RAB3C: variants seen among roughly 807,000 people sequenced by gnomAD.
RAB3C encodes the protein ras-related protein Rab-3C.
RAB3C carries 17 observed loss-of-function variants against 26.4 expected under a neutral mutation model. That is an observed-to-expected ratio of 0.64 (90% CI 0.44 to 0.97). The LOEUF (loss-of-function observed/expected upper bound fraction) is 0.97. Ranked by LOEUF, RAB3C falls within the 50% of genes least tolerant of loss-of-function variation. RAB3C has a pLI of 0.00. For missense variants in RAB3C, 242 were observed against 281.9 expected, an observed-to-expected ratio of 0.86 and a Z score of 1.01; for synonymous variants, 91 against 95.9, an observed-to-expected ratio of 0.95 and a Z score of 0.30.
At chr5:58,745,675 C>T (rs1042657444) in intron 3 of RAB3C, among the ~76,000 whole-genome samples, 13 of 152,022 alleles carry the variant, frequency 8.6e-5, no homozygotes, top group Non-Finnish European at 1.6e-4. Flanking sequence ...TGTTAGTTAT[C>T]TTTCCTTCTT....
At chr5:58,831,508 T>G (rs1009807779) in intron 4 of RAB3C, among the ~76,000 whole-genome samples, 2 of 152,224 alleles carry the variant, frequency 1.3e-5, no homozygotes, top group Non-Finnish European at 2.9e-5. Flanking sequence ...TCTCACTCTA[T>G]GTCCAAATTA....
intron 1 of RAB3C, among the ~76,000 whole-genome samples, chr5:58,613,573 T>C (rs1389771003): frequency 1.3e-5 from 2 of 151,998 alleles, no homozygotes; most frequent in African/African-American, 4.8e-5. Context: ...CACATAAAGG[T>C]TGACACTTTC....
intron 4 of RAB3C, among the ~76,000 whole-genome samples, chr5:58,842,395 T>G (rs905926357): frequency 6.6e-6 from 1 of 152,204 alleles, no homozygotes; most frequent in Non-Finnish European, 1.5e-5. Context: ...GATGACTTTT[T>G]CTTGTCTCAA....
Position 58,617,890 on chromosome 5 carries a change from C to T in RAB3C, c.252+20C>T. The stretch of plus-strand genomic sequence containing the variant: ...ATTTGGGTAAGTGGCTTTGAACTGG[C>T]AGTGTTCTTCAGGCTGGGGTGTTGA... On this transcript the variant is annotated intron_variant, in intron 2 of 4. Coordinates refer to ENST00000282878, the MANE Select transcript of RAB3C (RefSeq NM_138453.4). The T allele has an allele frequency of 6.8e-7, 1 of 1,467,546 alleles. No individual in the cohort carries two copies. The highest frequency in any genetic ancestry group is 9.5e-7 in the Non-Finnish European group (1 of 1,055,736). 90.9% of individuals were successfully genotyped at this position (1,467,546 alleles called of 1,614,324 possible). A position where few individuals can be genotyped will look rare whatever the true frequency, so the allele number is the denominator to read the frequency against.
chr5:58,720,139 C>T (rs1477245910), intron 2 of RAB3C, among the ~76,000 whole-genome samples: 3 of 151,774 alleles, frequency 2.0e-5, no homozygotes, highest in African/African-American at 7.3e-5. Context: ...CTGTCTAGTT[C>T]TTTAGGGAAA....
chr5:58,703,911 A>G (rs1440352877), intron 2 of RAB3C, among the ~76,000 whole-genome samples: 1 of 152,220 alleles, frequency 6.6e-6, no homozygotes, highest in African/African-American at 2.4e-5. Context: ...AAAAAGGCTT[A>G]ACCTCAGGAG....
At chr5:58,660,196 T>A (rs1352631750) in intron 2 of RAB3C, among the ~76,000 whole-genome samples, 3 of 150,088 alleles carry the variant, frequency 2.0e-5, no homozygotes, top group Non-Finnish European at 1.5e-5. Context: ...CCCCTTCCTA[T>A]CTATGCAAGG....
At chr5:58,609,600 G>C (rs1418505381) in intron 1 of RAB3C, among the ~76,000 whole-genome samples, 1 of 152,152 alleles carries the variant, frequency 6.6e-6, no homozygotes, top group Admixed American at 6.6e-5. Context: ...CTACACATGA[G>C]TTGGACATCC....
At chr5:58,594,544 C>T (rs1746205120) in intron 1 of RAB3C, among the ~76,000 whole-genome samples, 1 of 152,076 alleles carries the variant, frequency 6.6e-6, no homozygotes, top group Admixed American at 6.6e-5. Context: ...TACAGTTATA[C>T]AATTTGGAAA....
intron 2 of RAB3C, among the ~76,000 whole-genome samples, chr5:58,671,054 C>A (rs902654765): frequency 1.3e-5 from 2 of 152,014 alleles, no homozygotes; most frequent in South Asian, 4.1e-4. Context: ...TGTAAAGTGG[C>A]CAGATTGAAT....
intron 1 of RAB3C, among the ~76,000 whole-genome samples, chr5:58,610,931 A>G (rs980238993): frequency 6.6e-6 from 1 of 150,954 alleles, no homozygotes; most frequent in African/African-American, 2.4e-5. Flanking sequence ...TATAGGCCCC[A>G]GTGTATTTTG....
intron 4 of RAB3C, among the ~76,000 whole-genome samples, chr5:58,832,538 C>G (rs1483094968): frequency 6.6e-6 from 1 of 152,196 alleles, no homozygotes; most frequent in East Asian, 1.9e-4. Context: ...GACCAAATTT[C>G]TGTCACCCCA....
chr5:58,617,026 G>A (rs1298879827), intron 1 of RAB3C, among the ~76,000 whole-genome samples: 1 of 151,812 alleles, frequency 6.6e-6, no homozygotes, highest in Non-Finnish European at 1.5e-5. Context: ...AATATTAAAA[G>A]TACCCATCTC....
At chr5:58,595,408 G>A (rs114034189) in intron 1 of RAB3C, among the ~76,000 whole-genome samples, 126 of 152,178 alleles carry the variant, frequency 8.3e-4, no homozygotes, top group Non-Finnish European at 1.7e-3. Context: ...CACCAAGAAG[G>A]GTGTCTGGTG....
intron 3 of RAB3C, among the ~76,000 whole-genome samples, chr5:58,771,653 A>G (rs1742032248): frequency 6.6e-6 from 1 of 152,112 alleles, no homozygotes; most frequent in South Asian, 2.1e-4. Flanking sequence ...CTTTTTTGTA[A>G]CAGTTGCAAG....
chr5:58,587,419 T>C (rs1383215305), intron 1 of RAB3C, among the ~76,000 whole-genome samples: 2 of 152,156 alleles, frequency 1.3e-5, no homozygotes, highest in East Asian at 3.8e-4. Flanking sequence ...TTTCCCTTTC[T>C]TAAATTAATG....
Position 58,782,423 on chromosome 5 carries a change from C to A in RAB3C, c.372-42615C>A, listed in dbSNP as rs1312301021. ...GTCCTCCAGAATTTCTCACCGCATG[C>A]TTTAACACCTTGTACACAGTATTTA... On this transcript the variant is annotated intron_variant, in intron 3 of 4. Transcript: ENST00000282878. Among the ~76,000 whole-genome samples the A allele has an allele frequency of 2.0e-5, 3 of 152,270 alleles. No homozygotes were observed. In the East Asian group the frequency reaches 5.8e-4, roughly 29 times the overall value.
chr5:58,719,891 G>A (rs1740706405), intron 2 of RAB3C, among the ~76,000 whole-genome samples: 1 of 151,880 alleles, frequency 6.6e-6, no homozygotes, highest in African/African-American at 2.4e-5. Flanking sequence ...CTTAATTCAT[G>A]TAACCAAACA....
intron 2 of RAB3C, among the ~76,000 whole-genome samples, chr5:58,704,304 C>G (rs1748903337): frequency 6.6e-6 from 1 of 152,180 alleles, no homozygotes; most frequent in East Asian, 1.9e-4. Flanking sequence ...ATGAAATCTC[C>G]TTTGCTAACT....
Sources: allele counts gnomAD v4.1 joint callset (sites outside exome capture counted in the v4.1 genomes callset), GRCh38; gene constraint gnomAD v4.1.1; transcripts MANE v1.5; gene names NCBI Gene and HGNC (gene_info 2026-07-23, HGNC 2026-07-21).